MFSD11: variants seen among roughly 807,000 people sequenced by gnomAD.
MFSD11 encodes major facilitator superfamily domain containing 11, also known as UNC93-like protein MFSD11.
In MFSD11, 36 loss-of-function variants were observed where a neutral mutation model predicts 53.5. That is an observed-to-expected ratio of 0.67 (90% CI 0.52 to 0.89). The LOEUF is 0.89. Among genes scored for constraint, MFSD11 ranks in the 40% least tolerant of loss-of-function variants. The probability of loss-of-function intolerance (pLI) is 0.00; values close to 1 mark genes in which losing one functional copy is unlikely to be tolerated. For missense variants in MFSD11, 530 were observed against 543.9 expected (o/e 0.97, Z 0.25); for synonymous variants, 186 against 184.9 (o/e 1.01, Z -0.05).
intron 8 of MFSD11, among the ~76,000 whole-genome samples, chr17:76,762,811 TC>T (rs767894090): frequency 1.6e-4 from 25 of 151,640 alleles, no homozygotes; most frequent in Non-Finnish European, 3.1e-4. Context: ...CGGCGGGAAA[TC>T]AAAGGTTAGC....
Position 76,743,472 on chromosome 17 carries a change from G to T in MFSD11, c.496+16G>T, listed in dbSNP as rs201898678. ...CAGATATCAGGTTTGTTTTATTCGC[G>T]TTGCTTTATTCAGATATGTTCAAAG... On this transcript the variant is annotated intron_variant, in intron 6 of 12. Transcript: ENST00000685175. The T allele has an allele frequency of 6.5e-7, 1 of 1,530,366 alleles. No individual in the cohort carries two copies. Among genetic ancestry groups the T allele is most frequent in the South Asian group, 1.3e-5 (1 of 79,336 alleles). 94.8% of individuals were successfully genotyped at this position (1,530,366 alleles called of 1,614,324 possible).
intron 8 of MFSD11, among the ~76,000 whole-genome samples, chr17:76,765,661 G>A (rs140763161): frequency 6.6e-6 from 1 of 151,668 alleles, no homozygotes; most frequent in East Asian, 1.9e-4. Flanking sequence ...ACAGGATTTC[G>A]CCATGTTGCC....
At chr17:76,802,030 A>G in the MFSD11 span, among the ~76,000 whole-genome samples, 1 of 151,104 alleles carries the variant, frequency 6.6e-6, no homozygotes, top group East Asian at 2.0e-4. Context: ...GCACTTTGGG[A>G]GGCCAAGGTG....
At chr17:76,737,198 C>T (rs753168772), upstream of MFSD11, 8 of 1,508,664 alleles carry the variant, frequency 5.3e-6, no homozygotes, top group East Asian at 2.4e-5. Flanking sequence ...CGAACTGGCG[C>T]CGGCTTCCTC....
At chr17:76,738,032 C>T (rs1453317002), upstream of MFSD11, 7 of 371,740 alleles carry the variant, frequency 1.9e-5, no homozygotes, top group Non-Finnish European at 3.4e-5. Flanking sequence ...GCCGCGCCGG[C>T]TGCTGCGGCT....
chr17:76,745,412 T>G (rs1042039101), intron 7 of MFSD11: 9 of 152,258 alleles, frequency 5.9e-5, no homozygotes, highest in Admixed American at 5.2e-4. Context: ...TTTTTACAAA[T>G]TGAAGGCTTG....
At chr17:76,797,766 A>G in the MFSD11 span, among the ~76,000 whole-genome samples, 1 of 152,096 alleles carries the variant, frequency 6.6e-6, no homozygotes, top group African/African-American at 2.4e-5. Flanking sequence ...CTTACTTCAG[A>G]TGCCAGTCCT....
chr17:76,759,164 G>A (rs1404826705), intron 8 of MFSD11, among the ~76,000 whole-genome samples: 5 of 152,178 alleles, frequency 3.3e-5, no homozygotes, highest in Non-Finnish European at 4.4e-5. Context: ...TGAGGCAGGA[G>A]CATCAGTTGA....
chr17:76,753,946 A>C, intron 7 of MFSD11, 101 bp from the exon 8 acceptor site: 1 of 960,494 alleles, frequency 1.0e-6, no homozygotes, highest in Non-Finnish European at 1.6e-6. Context: ...CAGACCTGGT[A>C]TAGGACAGGG....
chr17:76,775,275 T>A, intron 11 of MFSD11, 104 bp downstream of exon 11: 1 of 1,023,284 alleles, frequency 9.8e-7, no homozygotes, highest in Non-Finnish European at 1.4e-6. Context: ...GAGCCTGGTG[T>A]CTCTCTAAGG....
At chr17:76,758,957 A>T (rs989069452) in intron 8 of MFSD11, among the ~76,000 whole-genome samples, 1 of 152,078 alleles carries the variant, frequency 6.6e-6, no homozygotes, top group African/African-American at 2.4e-5. Flanking sequence ...ATTAACACAA[A>T]TTTTGAGTCA....
chr17:76,743,435 C>T lies in MFSD11; in HGVS notation c.475C>T (p.Gln159Ter). The change falls in exon 6 of 13, where the codon CAA becomes TAA. Residue 159 changes from glutamine to a stop codon, truncating the protein, a stop_gained. Coordinates refer to ENST00000685175, the MANE Select transcript of MFSD11 (RefSeq NM_001242532.5). LOFTEE classifies it high-confidence loss of function. Reference protein sequence around the residue: ...FGNLYIYFAWQGKTQISESDR... With the variant: ...FGNLYIYFAW The stretch of plus-strand genomic sequence containing the variant: ...AAATCTCTACATATATTTTGCCTGG[C>T]AAGGGAAAACTCAGATATCAGGTTT... 6.3e-7 allele frequency: 1 copy of T among 1,581,848 alleles called. No individual in the cohort carries two copies. The highest frequency in any genetic ancestry group is 8.6e-7 in the Non-Finnish European group (1 of 1,166,170).
the MFSD11 span, among the ~76,000 whole-genome samples, chr17:76,797,697 ACCC>A: frequency 1.3e-5 from 2 of 151,824 alleles, no homozygotes; most frequent in African/African-American, 4.8e-5. Context: ...GCCCCATTTT[ACCC>A]AGCCCCTATT....
intron 8 of MFSD11, among the ~76,000 whole-genome samples, chr17:76,764,161 G>C (rs934263324): frequency 2.0e-5 from 3 of 152,104 alleles, no homozygotes; most frequent in African/African-American, 7.2e-5. Flanking sequence ...ACTCGGCCAC[G>C]TGTTTTGATA....
the MFSD11 span, among the ~76,000 whole-genome samples, chr17:76,792,997 AG>A: frequency 6.6e-6 from 1 of 151,484 alleles, no homozygotes; most frequent in African/African-American, 2.5e-5. Flanking sequence ...GTGTATGAAT[AG>A]GGTGTGGGTC....
intron 8 of MFSD11, among the ~76,000 whole-genome samples, chr17:76,755,223 A>G (rs1333088426): frequency 6.6e-6 from 1 of 152,144 alleles, no homozygotes; most frequent in Non-Finnish European, 1.5e-5. Context: ...AAAAAAAAAA[A>G]AAAATTAAAT....
chr17:76,766,067 A>G (rs930949271), intron 8 of MFSD11, among the ~76,000 whole-genome samples: 18 of 150,312 alleles, frequency 1.2e-4, no homozygotes, highest in African/African-American at 4.4e-4. Context: ...TGATAGGATC[A>G]TACTAGATAA....
At chr17:76,798,775 C>T in the MFSD11 span, among the ~76,000 whole-genome samples, 3 of 152,044 alleles carry the variant, frequency 2.0e-5, no homozygotes, top group Non-Finnish European at 2.9e-5. Flanking sequence ...TGCCTGTAAT[C>T]CCAACACTTT....
At chr17:76,773,748 C>G (rs571531754) in intron 10 of MFSD11, among the ~76,000 whole-genome samples, 16 of 152,214 alleles carry the variant, frequency 1.1e-4, no homozygotes, top group Admixed American at 6.5e-4. Flanking sequence ...GCTGGGACTA[C>G]AGGCGCACGC....
Sources: allele counts gnomAD v4.1 joint callset (sites outside exome capture counted in the v4.1 genomes callset), GRCh38; gene constraint gnomAD v4.1.1; transcripts MANE v1.5; gene names NCBI Gene and HGNC (gene_info 2026-07-23, HGNC 2026-07-21).